CDK14: variants seen among roughly 807,000 people sequenced by gnomAD.
The protein encoded by CDK14 is cyclin-dependent kinase 14.
A neutral mutation model predicts 60.7 loss-of-function variants in CDK14; 34 were observed. The observed-to-expected ratio is 0.56, with a 90% CI of 0.43 to 0.75. The LOEUF (loss-of-function observed/expected upper bound fraction) is 0.75. Ranked by LOEUF, CDK14 falls within the 30% of genes least tolerant of loss-of-function variation. CDK14 has a pLI of 0.00. For synonymous variants in CDK14, 197 were observed against 203.7 expected, an observed-to-expected ratio of 0.97 and a Z score of 0.28; for missense variants, 482 against 564.1, an observed-to-expected ratio of 0.85 and a Z score of 1.47.
intron 12 of CDK14, among the ~76,000 whole-genome samples, chr7:91,079,955 A>C (rs906374825): frequency 1.3e-5 from 2 of 152,110 alleles, no homozygotes; most frequent in Admixed American, 1.3e-4. Flanking sequence ...CATTTATTTC[A>C]TGTCTGTTCT....
intron 14 of CDK14, among the ~76,000 whole-genome samples, chr7:91,119,928 A>G (rs1799731573): frequency 6.6e-6 from 1 of 152,204 alleles, no homozygotes; most frequent in African/African-American, 2.4e-5. Context: ...CTGAATTTCA[A>G]TTGGTCAGAC....
At chr7:90,923,328 C>A (rs1179256723) in intron 8 of CDK14, among the ~76,000 whole-genome samples, 2 of 152,090 alleles carry the variant, frequency 1.3e-5, no homozygotes, top group Non-Finnish European at 2.9e-5. Flanking sequence ...CCAGAATGGT[C>A]TCGATCTCCT....
intron 2 of CDK14, among the ~76,000 whole-genome samples, chr7:90,671,289 C>CTTTTTTTTTTTTT (rs201022256): frequency 6.8e-6 from 1 of 147,288 alleles, no homozygotes. Flanking sequence ...CAGGAGATGA[C>CTTTTTTTTTTTTT]TTTTTTTTTT....
intron 9 of CDK14, 139 bp from the exon 10 acceptor site, chr7:90,984,009 A>G: frequency 1.6e-6 from 1 of 637,822 alleles, no homozygotes; most frequent in South Asian, 1.8e-5. Flanking sequence ...CCCTGAATCT[A>G]AAATAAAAGT....
At chr7:90,812,096 A>T (rs1317858125) in intron 5 of CDK14, among the ~76,000 whole-genome samples, 2 of 152,284 alleles carry the variant, frequency 1.3e-5, no homozygotes, top group East Asian at 3.9e-4. Context: ...ATACCATTTG[A>T]CCCAGCCATC....
In CDK14 at chr7:90,859,619, A is replaced by G. The variant is rs868821682; in HGVS notation, c.545-3556A>G. Among the ~76,000 whole-genome samples the G allele has an allele frequency of 4.6e-5, 7 of 152,328 alleles. No individual in the cohort carries two copies. In the South Asian group the frequency reaches 1.5e-3, roughly 32 times the overall value. On this transcript the variant is annotated intron_variant, in intron 5 of 14. Transcript: ENST00000380050. ...CATAGCAAAGTTCATTGGAAAGTACAGAGAGTTTCCACATATTTTCCATCC... is the reference window on the plus strand; with the variant it reads ...CATAGCAAAGTTCATTGGAAAGTACGGAGAGTTTCCACATATTTTCCATCC...
chr7:90,610,398 C>T (rs1584739611), intron 2 of CDK14, among the ~76,000 whole-genome samples: 1 of 152,128 alleles, frequency 6.6e-6, no homozygotes, highest in African/African-American at 2.4e-5. Context: ...CATTTGTGTC[C>T]TTGTGCCGCT....
At chr7:90,618,649 A>G (rs1346781656) in intron 2 of CDK14, among the ~76,000 whole-genome samples, 3 of 152,204 alleles carry the variant, frequency 2.0e-5, no homozygotes, top group African/African-American at 7.2e-5. Flanking sequence ...GAGATGTTTT[A>G]TAATGATTGG....
chr7:91,137,694 GTGTGTGTGT>G (rs1414735883), intron 14 of CDK14, among the ~76,000 whole-genome samples: 1 of 105,164 alleles, frequency 9.5e-6, no homozygotes, highest in African/African-American at 2.9e-5. Flanking sequence ...CTTGTGGGGG[GTGTGTGTGT>G]GTGTGTGTGT....
chr7:90,945,934 T>C (rs1469394263), intron 8 of CDK14, among the ~76,000 whole-genome samples: 2 of 152,080 alleles, frequency 1.3e-5, no homozygotes, highest in African/African-American at 4.8e-5. Flanking sequence ...CATCAGAATA[T>C]GGAAGAGGAG....
intron 7 of CDK14, among the ~76,000 whole-genome samples, chr7:90,900,790 T>G (rs1792483207): frequency 6.6e-6 from 1 of 152,198 alleles, no homozygotes; most frequent in African/African-American, 2.4e-5. Flanking sequence ...ACTGATTGAA[T>G]CTTTCCCACA....
At chr7:90,864,841 G>C in intron 6 of CDK14, among the ~76,000 whole-genome samples, 1 of 152,078 alleles carries the variant, frequency 6.6e-6, no homozygotes, top group Admixed American at 6.6e-5. Flanking sequence ...ATTTTCCCTA[G>C]TCCAATTCTT....
intron 5 of CDK14, among the ~76,000 whole-genome samples, chr7:90,812,176 A>T (rs557593640): frequency 1.3e-5 from 2 of 152,384 alleles, no homozygotes; most frequent in East Asian, 3.9e-4. Context: ...ATGTATGTTT[A>T]TTGTGGCACT....
intron 11 of CDK14, among the ~76,000 whole-genome samples, chr7:91,049,942 G>C (rs1797344287): frequency 6.6e-6 from 1 of 152,094 alleles, no homozygotes; most frequent in Non-Finnish European, 1.5e-5. Flanking sequence ...GAAAGGGGAG[G>C]GGGTGATTTA....
intron 10 of CDK14, among the ~76,000 whole-genome samples, chr7:90,994,972 C>T (rs1379632157): frequency 1.3e-5 from 2 of 152,198 alleles, no homozygotes; most frequent in African/African-American, 4.8e-5. Flanking sequence ...AATCTGATTT[C>T]TCAGAACATT....
chr7:91,124,935 C>A (rs1799897047), intron 14 of CDK14, among the ~76,000 whole-genome samples: 1 of 152,054 alleles, frequency 6.6e-6, no homozygotes, highest in South Asian at 2.1e-4. Flanking sequence ...ATTGTCTATG[C>A]CCTAAGTGCA....
chr7:91,205,478 C>G (rs1802866034), intron 14 of CDK14, among the ~76,000 whole-genome samples: 2 of 152,064 alleles, frequency 1.3e-5, no homozygotes, highest in South Asian at 4.1e-4. Flanking sequence ...ATATCTAGAA[C>G]AGGTAAATCC....
At chr7:90,630,129 C>T (rs1017459627) in intron 2 of CDK14, among the ~76,000 whole-genome samples, 28 of 152,200 alleles carry the variant, frequency 1.8e-4, no homozygotes, top group African/African-American at 6.7e-4. Flanking sequence ...AAACCCAACT[C>T]CATTTAACAT....
chr7:90,785,135 A>G (rs1040189040), intron 4 of CDK14, among the ~76,000 whole-genome samples: 1 of 132,660 alleles, frequency 7.5e-6, no homozygotes, highest in Non-Finnish European at 1.6e-5. Flanking sequence ...CAAAATCATA[A>G]TGGAAGAGAG....
Sources: allele counts gnomAD v4.1 joint callset (sites outside exome capture counted in the v4.1 genomes callset), GRCh38; gene constraint gnomAD v4.1.1; transcripts MANE v1.5; gene names NCBI Gene and HGNC (gene_info 2026-07-23, HGNC 2026-07-21).